Variants in SOX5 observed in about 807,000 individuals in gnomAD.
The protein encoded by SOX5 is transcription factor SOX-5.
Under a neutral mutation model 92.0 loss-of-function variants are expected in SOX5, and 9 were observed. The observed-to-expected ratio is 0.10, with a 90% CI of 0.06 to 0.17. SOX5 has a LOEUF of 0.17. Among genes scored for constraint, SOX5 ranks in the 10% least tolerant of loss-of-function variants. The pLI is 1.00. For missense variants in SOX5, 642 were observed against 944.5 expected (o/e 0.68, Z 4.20); for synonymous variants, 344 against 336.3 (o/e 1.02, Z -0.25).
At chr12:24,275,811 A>G (rs1024460982) in intron 3 of SOX5, among the ~76,000 whole-genome samples, 3 of 152,142 alleles carry the variant, frequency 2.0e-5, no homozygotes. Context: ...GGAAAGTTGA[A>G]CAAACACAAG....
At chr12:24,063,466 C>T (rs1188274430) in intron 4 of SOX5, among the ~76,000 whole-genome samples, 1 of 152,166 alleles carries the variant, frequency 6.6e-6, no homozygotes, top group Non-Finnish European at 1.5e-5. Context: ...AAGACTGGCT[C>T]CTTCCCAGTA....
At chr12:24,153,837 C>T (rs1429460306) in intron 4 of SOX5, among the ~76,000 whole-genome samples, 1 of 152,014 alleles carries the variant, frequency 6.6e-6, no homozygotes, top group East Asian at 1.9e-4. Context: ...AGGCCTTTTA[C>T]AAATAAAATG....
intron 3 of SOX5, among the ~76,000 whole-genome samples, chr12:23,761,032 C>T (rs1027842117): frequency 2.0e-5 from 3 of 152,060 alleles, no homozygotes; most frequent in African/African-American, 7.2e-5. Flanking sequence ...AATTTTGCAG[C>T]TTAAACTAAG....
At chr12:23,672,468 A>G (rs2084952197) in intron 6 of SOX5, among the ~76,000 whole-genome samples, 1 of 152,042 alleles carries the variant, frequency 6.6e-6, no homozygotes, top group South Asian at 2.1e-4. Context: ...GGGCCCTATG[A>G]GTTTATATGA....
At chr12:24,370,657 G>A (rs1363801178) in intron 1 of SOX5, among the ~76,000 whole-genome samples, 1 of 151,434 alleles carries the variant, frequency 6.6e-6, no homozygotes, top group Non-Finnish European at 1.5e-5. Context: ...CCAGGCGTGG[G>A]GGCACGCGCG....
At chr12:24,246,325 G>T (rs1938703961) in intron 3 of SOX5, among the ~76,000 whole-genome samples, 1 of 148,822 alleles carries the variant, frequency 6.7e-6, no homozygotes. Flanking sequence ...AAGATTTTAT[G>T]ATGGTTATAT....
At chr12:24,173,940 A>G (rs1954493775) in intron 4 of SOX5, among the ~76,000 whole-genome samples, 1 of 152,082 alleles carries the variant, frequency 6.6e-6, no homozygotes, top group Admixed American at 6.6e-5. Flanking sequence ...ACTGAGCCCT[A>G]CTGAATCAGA....
At chr12:24,002,089 A>G (rs1163964756) in intron 4 of SOX5, among the ~76,000 whole-genome samples, 1 of 152,222 alleles carries the variant, frequency 6.6e-6, no homozygotes, top group Non-Finnish European at 1.5e-5. Context: ...TTTAAGCACT[A>G]TAGTAGAAAA....
At chr12:23,827,209 A>AT (rs995427914) in intron 3 of SOX5, among the ~76,000 whole-genome samples, 2 of 152,250 alleles carry the variant, frequency 1.3e-5, no homozygotes, top group Admixed American at 1.3e-4. Flanking sequence ...AAGTTTACAT[A>AT]TAAAAACTAT....
chr12:24,177,221 G>T (rs11047298), intron 4 of SOX5, among the ~76,000 whole-genome samples: 2 of 151,916 alleles, frequency 1.3e-5, no homozygotes, highest in Admixed American at 6.6e-5. Context: ...TTTTAGCTGA[G>T]GAAACTGAAG....
Position 24,339,163 on chromosome 12 carries a change from C to CCCCACA in SOX5, c.-174+29399_-174+29400insTGTGGG, listed in dbSNP as rs141671017. On this transcript the variant is annotated intron_variant, in intron 2 of 4. Transcript: ENST00000446891. ...GTTTCTCTCTCTCTCTCTCTCTCTG[C>CCCCACA]CACACACACACACACACACACACAC... is the stretch of plus-strand genomic sequence containing the variant. Among the ~76,000 whole-genome samples the CCCCACA allele has an allele frequency of 1.2e-3, 172 of 140,460 alleles. 1 individual carries two copies. Among genetic ancestry groups the CCCCACA allele is most frequent in the South Asian group, 2.2e-3 (9 of 4,066 alleles). The allele number at this position is 140,460 out of a possible 152,430, so 92.1% of individuals were successfully genotyped here. A position where few individuals can be genotyped will look rare whatever the true frequency, so the allele number is the denominator to read the frequency against.
intron 1 of SOX5, among the ~76,000 whole-genome samples, chr12:24,380,481 A>T (rs192840709): frequency 1.3e-5 from 2 of 152,350 alleles, no homozygotes; most frequent in East Asian, 3.9e-4. Context: ...TACTGTCAAA[A>T]CATGGTACTC....
At chr12:24,119,535 CTATT>C (rs771823194) in intron 4 of SOX5, among the ~76,000 whole-genome samples, 3 of 152,032 alleles carry the variant, frequency 2.0e-5, no homozygotes, top group Non-Finnish European at 4.4e-5. Flanking sequence ...TGGAGTACCT[CTATT>C]TAACAATCCA....
At chr12:24,186,836 C>A (rs1417290328) in intron 4 of SOX5, among the ~76,000 whole-genome samples, 3 of 151,956 alleles carry the variant, frequency 2.0e-5, no homozygotes, top group Non-Finnish European at 4.4e-5. Flanking sequence ...GCAGAATTAG[C>A]ATATTTTAAA....
chr12:24,155,355 A>G (rs1952057297), intron 4 of SOX5, among the ~76,000 whole-genome samples: 1 of 152,160 alleles, frequency 6.6e-6, no homozygotes, highest in Non-Finnish European at 1.5e-5. Flanking sequence ...GTGTTTGTCA[A>G]ACTATTTTGA....
At chr12:24,412,093 T>A (rs1964205282) in intron 1 of SOX5, among the ~76,000 whole-genome samples, 1 of 152,170 alleles carries the variant, frequency 6.6e-6, no homozygotes, top group Non-Finnish European at 1.5e-5. Context: ...ATCCTTTTGG[T>A]GTCTGCAGAG....
At chr12:24,421,248 C>T (rs2136932814) in intron 1 of SOX5, among the ~76,000 whole-genome samples, 1 of 152,148 alleles carries the variant, frequency 6.6e-6, no homozygotes, top group African/African-American at 2.4e-5. Flanking sequence ...GTGGTGGTTA[C>T]AAGACTGTTT....
chr12:24,146,858 A>G (rs1266460516), intron 4 of SOX5, among the ~76,000 whole-genome samples: 4 of 152,104 alleles, frequency 2.6e-5, no homozygotes, highest in Non-Finnish European at 5.9e-5. Flanking sequence ...TTAACTTTAT[A>G]TCAACACATT....
chr12:24,042,446 C>T (rs1956616335), intron 4 of SOX5, among the ~76,000 whole-genome samples: 1 of 152,098 alleles, frequency 6.6e-6, no homozygotes, highest in South Asian at 2.1e-4. Context: ...AAGCGTGTTA[C>T]ACTAACAACA....
Sources: allele counts gnomAD v4.1 joint callset (sites outside exome capture counted in the v4.1 genomes callset), GRCh38; gene constraint gnomAD v4.1.1; transcripts MANE v1.5; gene names NCBI Gene and HGNC (gene_info 2026-07-23, HGNC 2026-07-21).